MTMR7: variants seen among roughly 807,000 people sequenced by gnomAD.
MTMR7 encodes phosphatidylinositol-3-phosphate phosphatase MTMR7.
Under a neutral mutation model 81.2 loss-of-function variants are expected in MTMR7, and 76 were observed. That is an observed-to-expected ratio of 0.94 (90% CI 0.78 to 1.13). The LOEUF (loss-of-function observed/expected upper bound fraction) is 1.13. MTMR7 is among the 50% of genes most tolerant of loss of function. MTMR7 has a pLI of 0.00. For missense variants in MTMR7, 1,044 were observed against 820.0 expected (o/e 1.27, Z -3.34); for synonymous variants, 372 against 289.8 (o/e 1.28, Z -2.88).
intron 1 of MTMR7, among the ~76,000 whole-genome samples, chr8:17,406,140 A>T (rs1821576267): frequency 6.6e-6 from 1 of 152,224 alleles, no homozygotes; most frequent in Admixed American, 6.5e-5. Context: ...GTGACAAAAG[A>T]AAAAATAAGT....
intron 1 of MTMR7, among the ~76,000 whole-genome samples, chr8:17,409,583 C>G (rs1173041060): frequency 6.6e-6 from 1 of 152,162 alleles, no homozygotes; most frequent in Non-Finnish European, 1.5e-5. Flanking sequence ...GCTATAGATA[C>G]AAAGGGTGAA....
At chr8:17,374,836 C>T (rs1259498393) in intron 1 of MTMR7, among the ~76,000 whole-genome samples, 2 of 151,680 alleles carry the variant, frequency 1.3e-5, no homozygotes. Flanking sequence ...AGGCCAGGCA[C>T]GGTGGCTCAC....
chr8:17,309,820 G>A (rs1487572352), intron 9 of MTMR7, among the ~76,000 whole-genome samples: 1 of 152,000 alleles, frequency 6.6e-6, no homozygotes, highest in African/African-American at 2.4e-5. Flanking sequence ...AAAAACAACT[G>A]GGAAGTTTTT....
chr8:17,344,569 C>G (rs986746209), intron 5 of MTMR7, among the ~76,000 whole-genome samples: 3 of 152,134 alleles, frequency 2.0e-5, no homozygotes, highest in African/African-American at 4.8e-5. Flanking sequence ...TGAGATCATG[C>G]CACTGCACTC....
At chr8:17,310,134 A>T (rs2150483071) in intron 9 of MTMR7, among the ~76,000 whole-genome samples, 1 of 152,032 alleles carries the variant, frequency 6.6e-6, no homozygotes, top group Non-Finnish European at 1.5e-5. Flanking sequence ...AGTAGCTGGG[A>T]CCACAGGTGG....
intron 1 of MTMR7, among the ~76,000 whole-genome samples, chr8:17,378,010 G>C (rs559699798): frequency 2.9e-4 from 44 of 152,178 alleles, no homozygotes; most frequent in Non-Finnish European, 6.0e-4. Flanking sequence ...TACAGAAGTA[G>C]AGGAAGCTGT....
chr8:17,309,743 T>A (rs1312323961), intron 9 of MTMR7, among the ~76,000 whole-genome samples: 5 of 152,178 alleles, frequency 3.3e-5, no homozygotes, highest in Admixed American at 3.3e-4. Flanking sequence ...TCTCTCCACT[T>A]CAAACCCTAT....
intron 1 of MTMR7, among the ~76,000 whole-genome samples, chr8:17,378,155 C>G (rs1277619335): frequency 6.6e-6 from 1 of 152,020 alleles, no homozygotes; most frequent in Non-Finnish European, 1.5e-5. Flanking sequence ...GCAGGAAAGT[C>G]ACATTCCAAA....
intron 4 of MTMR7, among the ~76,000 whole-genome samples, chr8:17,355,224 A>C (rs1164563833): frequency 3.3e-5 from 5 of 152,188 alleles, no homozygotes; most frequent in Admixed American, 3.3e-4. Context: ...AATTTTCTTT[A>C]CTAAACTTGG....
chr8:17,388,488 G>A (rs1821011844), intron 1 of MTMR7, among the ~76,000 whole-genome samples: 1 of 152,172 alleles, frequency 6.6e-6, no homozygotes, highest in Non-Finnish European at 1.5e-5. Context: ...CTAGTATAGG[G>A]AGAACAAGAC....
At chr8:17,326,298 GAAGAT>G (rs1818674296) in intron 7 of MTMR7, 1 of 152,172 alleles carries the variant, frequency 6.6e-6, no homozygotes, top group South Asian at 2.1e-4. Context: ...TCCGTAAAAT[GAAGAT>G]AAGAGTGGCA....
chr8:17,407,676 C>T (rs963630408), intron 1 of MTMR7, among the ~76,000 whole-genome samples: 5 of 150,940 alleles, frequency 3.3e-5, no homozygotes, highest in Non-Finnish European at 7.4e-5. Context: ...AAGCAAACTA[C>T]AAAATTGAAC....
chr8:17,390,774 G>A (rs571189173), intron 1 of MTMR7, among the ~76,000 whole-genome samples: 9 of 152,134 alleles, frequency 5.9e-5, no homozygotes, highest in African/African-American at 1.9e-4. Flanking sequence ...AGAATGAAAG[G>A]GGAAGAGCCC....
chr8:17,403,339 T>C (rs1338791654), intron 1 of MTMR7, among the ~76,000 whole-genome samples: 1 of 152,214 alleles, frequency 6.6e-6, no homozygotes, highest in Non-Finnish European at 1.5e-5. Context: ...AGACTGTCTT[T>C]TTCCCAATAT....
Position 17,378,025 on chromosome 8 carries a change from C to T in MTMR7, c.25-4785G>A, listed in dbSNP as rs544986110. Among the ~76,000 whole-genome samples the T allele has an allele frequency of 3.3e-5, 5 of 152,226 alleles. No homozygotes were observed. In the East Asian group the frequency reaches 5.8e-4, roughly 18 times the overall value. On this transcript the variant is annotated intron_variant, in intron 1 of 13. Coordinates refer to ENST00000180173, the MANE Select transcript of MTMR7 (RefSeq NM_004686.5). ...TACAGAAGTAGAGGAAGCTGTATCA[C>T]TTAAATTATTTTTAGAAAAGCTCAG...
intron 10 of MTMR7, among the ~76,000 whole-genome samples, chr8:17,307,865 C>T (rs1291384490): frequency 6.7e-6 from 1 of 149,564 alleles, no homozygotes; most frequent in Admixed American, 6.7e-5. Context: ...GGAAGGGGAA[C>T]ATCACACACC....
At chr8:17,385,413 G>C (rs1036020757) in intron 1 of MTMR7, among the ~76,000 whole-genome samples, 4 of 152,152 alleles carry the variant, frequency 2.6e-5, no homozygotes, top group African/African-American at 9.7e-5. Context: ...TTCCTGGACT[G>C]TTCTCGTGAT....
chr8:17,410,964 C>G (rs1821720624), intron 1 of MTMR7, among the ~76,000 whole-genome samples: 2 of 152,016 alleles, frequency 1.3e-5, no homozygotes, highest in Admixed American at 1.3e-4. Context: ...AGACATGAAA[C>G]CATGAAATCG....
At chr8:17,340,287 T>C (rs866872315) in intron 6 of MTMR7, among the ~76,000 whole-genome samples, 1 of 152,228 alleles carries the variant, frequency 6.6e-6, no homozygotes. Context: ...ATAATTTCTC[T>C]ATCCCACTCT....
Sources: allele counts gnomAD v4.1 joint callset (sites outside exome capture counted in the v4.1 genomes callset), GRCh38; gene constraint gnomAD v4.1.1; transcripts MANE v1.5; gene names NCBI Gene and HGNC (gene_info 2026-07-23, HGNC 2026-07-21).